Variants in EPPIN observed in about 807,000 individuals in gnomAD.
The protein encoded by EPPIN is WAP four-disulfide core domain protein 7.
A neutral mutation model predicts 18.8 loss-of-function variants in EPPIN; 14 were observed. The ratio of observed to expected loss-of-function variants is 0.75; its 90% confidence interval spans 0.49 to 1.17. The LOEUF is 1.17. Ranked by LOEUF, EPPIN falls within the 50% of genes most tolerant of loss-of-function variation. The pLI is 0.00. For missense variants in EPPIN, 143 were observed against 154.2 expected (o/e 0.93, Z 0.39); for synonymous variants, 57 against 54.8 (o/e 1.04, Z -0.18).
intron 3 of EPPIN, 129 bp from the exon 4 acceptor site, chr20:45,542,283 T>G: frequency 8.4e-7 from 1 of 1,194,294 alleles, no homozygotes; most frequent in Non-Finnish European, 1.2e-6. Flanking sequence ...TGGGGAGCTC[T>G]CCATCTCCTT....
chr20:45,542,789 G>A lies in EPPIN; in HGVS notation c.302C>T (p.Thr101Ile), dbSNP rs750263483. 2.2e-5 allele frequency: 36 copies of A among 1,613,908 alleles called. No homozygotes were observed. Among genetic ancestry groups the A allele is most frequent in the Non-Finnish European group, 2.9e-5 (34 of 1,179,924 alleles). ...GCCACCATAGACAAACATGGAGCAA[G>A]TATTATCTTTCTTGTCATACCACCA... The part of the protein sequence containing the change: ...LHWWYDKKDN[T>I]CSMFVYGGCQ... Residue 101 changes from threonine (T) to isoleucine (I), a missense_variant, in exon 3 of 4, where the codon ACT becomes ATT. Thr to Ile is a moderately conservative substitution (Grantham distance 89). Coordinates refer to ENST00000354280, the MANE Select transcript of EPPIN (RefSeq NM_020398.4).
intron 1 of EPPIN, 186 bp from the exon 2 acceptor site, chr20:45,545,956 G>T: frequency 1.2e-6 from 1 of 811,758 alleles, no homozygotes; most frequent in South Asian, 1.9e-5. Context: ...ACTCCCCAGT[G>T]ACCTCTCCTC....
In EPPIN at chr20:45,547,346, A is replaced by G; in HGVS notation, c.12T>C (p.Ser4=). 6.2e-7 allele frequency: 1 copy of G among 1,613,936 alleles called. No homozygotes were observed. Among genetic ancestry groups the G allele is most frequent in the Non-Finnish European group, 8.5e-7 (1 of 1,179,894 alleles). MGS[S]GLLSLLVLFV... ...ATAGCACCAGGAGGCTCAAAAGTCC[A>G]GAAGATCCCATGTTGAAGAGAGGCC... is the stretch of plus-strand genomic sequence containing the variant. The change falls in exon 1 of 4, where the codon TCT becomes TCC. Residue 4 remains serine (S), a synonymous_variant. Transcript: ENST00000354280.
At position 45,542,767 on chromosome 20, in the gene EPPIN, A is replaced by G; in HGVS notation, c.324T>C (p.Gly108=). 1.2e-6 allele frequency: 2 copies of G among 1,613,992 alleles called. No individual in the cohort carries two copies. The highest frequency in any genetic ancestry group is 2.2e-5 in the East Asian group (1 of 44,874). The part of the protein sequence containing the change: ...KDNTCSMFVY[G]GCQGNNNNFQ... ...AGTTGTTATTGTTTCCCTGGCAGCCACCATAGACAAACATGGAGCAAGTAT... is the reference window on the plus strand; with the variant it reads ...AGTTGTTATTGTTTCCCTGGCAGCCGCCATAGACAAACATGGAGCAAGTAT... The change falls in exon 3 of 4, where the codon GGT becomes GGC. Residue 108 remains glycine (G), a synonymous_variant. Coordinates refer to ENST00000354280, the MANE Select transcript of EPPIN (RefSeq NM_020398.4).
chr20:45,547,041 C>G (rs1979862489), intron 1 of EPPIN, among the ~76,000 whole-genome samples: 1 of 152,092 alleles, frequency 6.6e-6, no homozygotes, highest in Non-Finnish European at 1.5e-5. Flanking sequence ...TTGATAAAGA[C>G]CCTCCACTTC....
chr20:45,542,829 C>A lies in EPPIN; in HGVS notation c.262G>T (p.Ala88Ser), dbSNP rs1466444215. The A allele has an allele frequency of 6.2e-7, 1 of 1,613,800 alleles. No homozygotes were observed. The highest frequency in any genetic ancestry group is 8.5e-7 in the Non-Finnish European group (1 of 1,179,790). ...TCATACCACCAATGAAGAAAATAAG[C>A]CAGGCAGGGGCCAGTTTCTTTTGGC... ...EMPKETGPCL[A>S]YFLHWWYDKK... Residue 88 changes from alanine to serine, a missense_variant, in exon 3 of 4, where the codon GCT (alanine) becomes TCT (serine). By Grantham distance (99) the Ala-to-Ser change is moderately conservative. Transcript: ENST00000354280.
chr20:45,545,754 G>A lies in EPPIN; in HGVS notation c.108C>T (p.Ile36=). The change falls in exon 2 of 4, where the codon ATC becomes ATT. Residue 36 remains isoleucine, a synonymous_variant. Coordinates refer to ENST00000354280, the MANE Select transcript of EPPIN (RefSeq NM_020398.4). ...TTTCTTGGAATTCACATTCTTCTCT[G>A]ATTTTGGGACATCTCCCTAGGGAAA... ...DWLFPRRCPK[I]REECEFQERD... 1 of 1,614,018 alleles carries A rather than the reference G, an allele frequency of 6.2e-7. No individual in the cohort carries two copies. The highest frequency in any genetic ancestry group is 1.1e-5 in the South Asian group (1 of 91,064).
Position 45,542,707 on chromosome 20 carries a change from C to G in EPPIN, c.384G>C (p.Lys128Asn), listed in dbSNP as rs770311343. 6 of 1,613,590 alleles carry G rather than the reference C, an allele frequency of 3.7e-6. No homozygotes were observed. In the Admixed American group the frequency reaches 8.3e-5, roughly 22 times the overall value. Residue 128 changes from lysine to asparagine, a missense_variant, in exon 3 of 4, where the codon AAG becomes AAC. Coordinates refer to ENST00000354280, the MANE Select transcript of EPPIN (RefSeq NM_020398.4). ...QSKANCLNTCKNKRFP is the reference protein window; with the variant it reads ...QSKANCLNTCNNKRFP ...GGGGCCCCTAGGACTTACGTTTATTCTTGCAGGTGTTCAGGCAGTTGGCTT... is the reference window on the plus strand; with the variant it reads ...GGGGCCCCTAGGACTTACGTTTATTGTTGCAGGTGTTCAGGCAGTTGGCTT...
At position 45,542,699 on chromosome 20, in the gene EPPIN, C is replaced by T. The variant is rs199533646; in HGVS notation, c.391+1G>A. Reference sequence around the variant, plus strand: ...GAAAGACCGGGGCCCCTAGGACTTACGTTTATTCTTGCAGGTGTTCAGGCA... The same window carrying T: ...GAAAGACCGGGGCCCCTAGGACTTATGTTTATTCTTGCAGGTGTTCAGGCA... On this transcript the variant is annotated splice_donor_variant, in intron 3 of 3. Transcript: ENST00000354280. LOFTEE classifies it high-confidence loss of function. 8.1e-6 allele frequency: 13 copies of T among 1,613,154 alleles called. No individual in the cohort carries two copies. The highest frequency in any genetic ancestry group is 2.2e-5 in the South Asian group (2 of 90,922).
At chr20:45,542,451 C>T (rs1406562465) in intron 3 of EPPIN, 17 of 637,914 alleles carry the variant, frequency 2.7e-5, no homozygotes, top group East Asian at 1.1e-4. Flanking sequence ...CCTTCCTCCA[C>T]CCCTCCTAAT....
At chr20:45,545,901 C>T in intron 1 of EPPIN, 131 bp from the exon 2 acceptor site, 3 of 1,415,574 alleles carry the variant, frequency 2.1e-6, no homozygotes, top group Non-Finnish European at 2.9e-6. Context: ...GAGTTCTTTT[C>T]CTCAGGGCAG....
chr20:45,547,333 G>A lies in EPPIN; in HGVS notation c.25C>T (p.Leu9Phe), dbSNP rs199909423. 50 of 1,613,936 alleles carry A rather than the reference G, an allele frequency of 3.1e-5. No individual in the cohort carries two copies. In the South Asian group the frequency reaches 4.4e-4, roughly 14 times the overall value. The change falls in exon 1 of 4, where the codon CTC becomes TTC. Residue 9 changes from leucine (L) to phenylalanine (F), a missense_variant. By Grantham distance (22) the Leu-to-Phe change is conservative. Coordinates refer to ENST00000354280, the MANE Select transcript of EPPIN (RefSeq NM_020398.4). MGSSGLLS[L>F]LVLFVLLANV... ...GCTAAGAGGACGAATAGCACCAGGA[G>A]GCTCAAAAGTCCAGAAGATCCCATG... is the stretch of plus-strand genomic sequence containing the variant.
At chr20:45,543,107 C>T (rs749096846) in intron 2 of EPPIN, 4 of 537,900 alleles carry the variant, frequency 7.4e-6, no homozygotes, top group African/African-American at 1.9e-5. Flanking sequence ...TGAGGTCAGA[C>T]CAAAATAGGG....
Position 45,543,083 on chromosome 20 carries a change from G to T in EPPIN, c.224-216C>A, listed in dbSNP as rs1443879213. On this transcript the variant is annotated intron_variant, in intron 2 of 3. Transcript: ENST00000354280. ...CCCTGGAGATAGGGTTGTTGCAGGT[G>T]TAATTAGCTAAAATGAGGTCAGACC... 1.5e-5 allele frequency: 11 copies of T among 740,152 alleles called. 1 individual carries two copies. Among genetic ancestry groups the T allele is most frequent in the Non-Finnish European group, 2.0e-5 (10 of 501,942 alleles). The allele number at this position is 740,152 out of a possible 1,614,324, so 45.8% of individuals were successfully genotyped here.
At position 45,545,717 on chromosome 20, in the gene EPPIN, T is replaced by A. The variant is rs1447380430; in HGVS notation, c.145A>T (p.Thr49Ser). The part of the protein sequence containing the change: ...ECEFQERDVC[T>S]KDRQCQDNKK... Reference sequence around the variant, plus strand: ...TTGTCCTGGCATTGTCTGTCCTTTGTACACACATCCCTTTCTTGGAATTCA... The same window carrying A: ...TTGTCCTGGCATTGTCTGTCCTTTGAACACACATCCCTTTCTTGGAATTCA... Residue 49 changes from threonine (T) to serine (S), a missense_variant, in exon 2 of 4, where the codon ACA becomes TCA. Transcript: ENST00000354280. 6.2e-7 allele frequency: 1 copy of A among 1,614,122 alleles called. No homozygotes were observed. The highest frequency in any genetic ancestry group is 2.2e-5 in the East Asian group (1 of 44,890).
intron 2 of EPPIN, chr20:45,545,014 T>C (rs1030756463): frequency 6.6e-6 from 1 of 152,274 alleles, no homozygotes; most frequent in South Asian, 2.1e-4. Context: ...ATTTTCTTTC[T>C]CAAAGAAGGC....
chr20:45,543,715 G>C (rs1458919773), intron 2 of EPPIN: 1 of 152,202 alleles, frequency 6.6e-6, no homozygotes, highest in East Asian at 1.9e-4. Context: ...TCATGTCATT[G>C]CACAGAGAAG....
rs139660452 is a variant in EPPIN, at chr20:45,542,700, G to A, written c.391C>T (p.Arg131Cys). 1.6e-5 allele frequency: 26 copies of A among 1,613,412 alleles called. No homozygotes were observed. In the African/African-American group the frequency reaches 2.4e-4, roughly 15 times the overall value. The change falls in exon 3 of 4, where the codon CGC becomes TGC. Residue 131 changes from arginine (R) to cysteine (C), a missense_variant and splice_region_variant. Physicochemically the swap from Arg to Cys is radical, Grantham distance 180 (BLOSUM62 -3). Transcript: ENST00000354280. ...AAAGACCGGGGCCCCTAGGACTTAC[G>A]TTTATTCTTGCAGGTGTTCAGGCAG... The part of the protein sequence containing the change: ...ANCLNTCKNK[R>C]FP
chr20:45,543,000 C>T, intron 2 of EPPIN, 133 bp from the exon 3 acceptor site: 1 of 1,317,648 alleles, frequency 7.6e-7, no homozygotes. Flanking sequence ...GGCAGGAGCA[C>T]AGCTCCACTG....
Sources: allele counts gnomAD v4.1 joint callset (sites outside exome capture counted in the v4.1 genomes callset), GRCh38; gene constraint gnomAD v4.1.1; transcripts MANE v1.5; gene names NCBI Gene and HGNC (gene_info 2026-07-23, HGNC 2026-07-21).